SRCIN1: variants seen among roughly 807,000 people sequenced by gnomAD.
SRCIN1 encodes the protein P130Cas-associated protein.
SRCIN1 carries 50 observed loss-of-function variants against 116.2 expected under a neutral mutation model. That is an observed-to-expected ratio of 0.43 (90% CI 0.34 to 0.54). The LOEUF is 0.54. Among genes scored for constraint, SRCIN1 ranks in the 20% least tolerant of loss-of-function variants. SRCIN1 has a pLI of 0.02. For synonymous variants in SRCIN1, 736 were observed against 750.0 expected (o/e 0.98, Z 0.30); for missense variants, 1,446 against 1,672.0 (o/e 0.86, Z 2.36).
intron 1 of SRCIN1, among the ~76,000 whole-genome samples, chr17:38,581,405 C>CA (rs1313727690): frequency 0.052 from 2,876 of 55,668 alleles, 119 homozygotes; most frequent in African/African-American, 0.13. Flanking sequence ...AACTCTGTCT[C>CA]AAAAAAAAAA....
chr17:38,559,455 G>T, intron 10 of SRCIN1, 130 bp downstream of exon 10: 1 of 946,990 alleles, frequency 1.1e-6, no homozygotes, highest in Non-Finnish European at 1.5e-6. Flanking sequence ...AGGCCAGTGA[G>T]CGGCGAAGGA....
At chr17:38,596,637 C>T (rs556832381) in intron 1 of SRCIN1, among the ~76,000 whole-genome samples, 6 of 152,108 alleles carry the variant, frequency 3.9e-5, no homozygotes, top group African/African-American at 1.4e-4. Flanking sequence ...GGCTTGCCAT[C>T]ATTCCCCTGG....
chr17:38,550,595 A>G (rs1245394331), intron 15 of SRCIN1, among the ~76,000 whole-genome samples: 1 of 152,260 alleles, frequency 6.6e-6, no homozygotes, highest in African/African-American at 2.4e-5. Context: ...TGATAAACAC[A>G]AATGTCAGTG....
At chr17:38,535,147 GT>G (rs1567847232) in intron 18 of SRCIN1, among the ~76,000 whole-genome samples, 5 of 147,794 alleles carry the variant, frequency 3.4e-5, no homozygotes, top group African/African-American at 1.3e-4. Flanking sequence ...TTGTTTGTTT[GT>G]TTTGTTATTT....
At position 38,561,718 on chromosome 17, in the gene SRCIN1, G is replaced by T; in HGVS notation, c.1445C>A (p.Ala482Glu). The T allele has an allele frequency of 6.5e-7, 1 of 1,527,622 alleles. No homozygotes were observed. 94.6% of individuals were successfully genotyped at this position (1,527,622 alleles called of 1,614,324 possible). A position where few individuals can be genotyped will look rare whatever the true frequency, so the allele number is the denominator to read the frequency against. Residue 482 changes from alanine (A) to glutamate (E), a missense_variant, in exon 7 of 19, where the codon GCA becomes GAA. Physicochemically the swap from Ala to Glu is moderately radical, Grantham distance 107. Transcript: ENST00000617146. Reference protein sequence around the residue: ...PSSPQKLADVAAPPGGPPPPH... With the variant: ...PSSPQKLADVEAPPGGPPPPH... ...TGGCGGGGGACCTCCGGGGGGTGCT[G>T]CCACGTCGGCCAGCTTCTGCGGTGA...
Position 38,561,509 on chromosome 17 carries a change from G to A in SRCIN1, c.1654C>T (p.Leu552=). ...GGCACTGGCGGCCCGAACCCAACCA[G>A]CGAGCGTTCCCCAGGCCCAGGGAAG... ...ELFPGPGERS[L]VGFGPPVPAK... Residue 552 remains leucine (L), a synonymous_variant, in exon 7 of 19, where the codon CTG becomes TTG. Coordinates refer to ENST00000617146, the MANE Select transcript of SRCIN1 (RefSeq NM_025248.3). The A allele has an allele frequency of 6.3e-7, 1 of 1,596,370 alleles. No individual in the cohort carries two copies. The highest frequency in any genetic ancestry group is 1.4e-5 in the African/African-American group (1 of 73,814).
intron 2 of SRCIN1, chr17:38,574,803 A>C: frequency 1.8e-5 from 3 of 166,950 alleles, no homozygotes; most frequent in Non-Finnish European, 3.8e-5. Flanking sequence ...TCCCCCCTCC[A>C]AAAAAAAAAA....
In SRCIN1 at chr17:38,558,341, C is replaced by T. The variant is rs773008986; in HGVS notation, c.2087G>A (p.Arg696His). 6.2e-7 allele frequency: 1 copy of T among 1,609,602 alleles called. No individual in the cohort carries two copies. Among genetic ancestry groups the T allele is most frequent in the Non-Finnish European group, 8.5e-7 (1 of 1,179,552 alleles). The change falls in exon 11 of 19, where the codon CGC (arginine) becomes CAC (histidine). Residue 696 changes from arginine to histidine, a missense_variant. Transcript: ENST00000617146. The surrounding 1 kb of genome is among the most constrained non-coding windows in gnomAD (Gnocchi z 4.6). ...CTGCCGCCGCGCCGCCTCCGACACG[C>T]GCATGCTCAGCTCTGCCTCCGTGCG... The part of the protein sequence containing the change: ...LKRTEAELSM[R>H]VSEAARRQED...
Position 38,553,315 on chromosome 17 carries a change from C to T in SRCIN1, c.2202-460G>A, listed in dbSNP as rs367671777. On this transcript the variant is annotated intron_variant, in intron 11 of 18. Transcript: ENST00000617146. ...CCACATACTCAAGTAAAATCTGCAA[C>T]GCCAAATCTCAGAGATGAGGAGACT... 1.6e-4 allele frequency among the ~76,000 whole-genome samples: 25 copies of T among 152,330 alleles called. No homozygotes were observed. The South Asian group carries it at 3.1e-3, about 19-fold the overall frequency.
chr17:38,537,783 T>G (rs1177830668), intron 18 of SRCIN1, among the ~76,000 whole-genome samples: 1 of 125,666 alleles, frequency 8.0e-6, no homozygotes, highest in African/African-American at 3.2e-5. Flanking sequence ...AGAGCTAGAC[T>G]CCGTGTCAAA....
chr17:38,591,373 A>C (rs1908432598), intron 1 of SRCIN1, among the ~76,000 whole-genome samples: 1 of 152,068 alleles, frequency 6.6e-6, no homozygotes, highest in African/African-American at 2.4e-5. Context: ...TTCTGTCATA[A>C]GCCCTCAGGT....
rs1909139067 is a variant in SRCIN1 at position 38,602,939 on chromosome 17, G to A, written c.22+2745C>T. Among the ~76,000 whole-genome samples the A allele has an allele frequency of 6.6e-6, 1 of 152,112 alleles. No homozygotes were observed. Among genetic ancestry groups the A allele is most frequent in the Non-Finnish European group, 1.5e-5 (1 of 68,018 alleles). Reference sequence around the variant, plus strand: ...CCTTCTTTCCCCAAAACCTAACCTGGGGTGGGGGTGGGGGCTCAACAAACT... The same window carrying A: ...CCTTCTTTCCCCAAAACCTAACCTGAGGTGGGGGTGGGGGCTCAACAAACT... On this transcript the variant is annotated intron_variant, in intron 1 of 18. Transcript: ENST00000617146. The surrounding 1 kb of genome is among the most constrained non-coding windows in gnomAD (Gnocchi z 4.2).
At chr17:38,586,904 C>T (rs1333509770) in intron 1 of SRCIN1, among the ~76,000 whole-genome samples, 1 of 152,162 alleles carries the variant, frequency 6.6e-6, no homozygotes, top group African/African-American at 2.4e-5. Flanking sequence ...AGCGGTGAGG[C>T]TGGGGGCCTG....
At position 38,561,821 on chromosome 17, in the gene SRCIN1, C is replaced by T; in HGVS notation, c.1342G>A (p.Glu448Lys). The change falls in exon 7 of 19, where the codon GAG becomes AAG. Residue 448 changes from glutamate to lysine, a missense_variant. This residue lies in a region of SRCIN1 where 398 missense variants were observed against 385.6 expected (regional missense o/e 1.03). Coordinates refer to ENST00000617146, the MANE Select transcript of SRCIN1 (RefSeq NM_025248.3). ...YSAAALQSDLEDSLYKAAGGG... is the reference protein window; with the variant it reads ...YSAAALQSDLKDSLYKAAGGG... Reference sequence around the variant, plus strand: ...CCCGCCGCCTTGTACAGGGAGTCCTCCAGATCGGACTGCAGCGCGGCGGCC... The same window carrying T: ...CCCGCCGCCTTGTACAGGGAGTCCTTCAGATCGGACTGCAGCGCGGCGGCC... 1 of 1,482,980 alleles carries T rather than the reference C, an allele frequency of 6.7e-7. No homozygotes were observed. Among genetic ancestry groups the T allele is most frequent in the Non-Finnish European group, 8.9e-7 (1 of 1,125,716 alleles). The allele number at this position is 1,482,980 out of a possible 1,614,324, so 91.9% of individuals were successfully genotyped here. A position where few individuals can be genotyped will look rare whatever the true frequency, so the allele number is the denominator to read the frequency against.
At chr17:38,587,655 A>G (rs562359224) in intron 1 of SRCIN1, among the ~76,000 whole-genome samples, 15 of 151,976 alleles carry the variant, frequency 9.9e-5, no homozygotes, top group African/African-American at 3.4e-4. Flanking sequence ...GCCCCTCTCT[A>G]GGCCACGGGC....
Position 38,562,557 on chromosome 17 carries a change from T to C in SRCIN1, c.835-229A>G, listed in dbSNP as rs1211136026. Among the ~76,000 whole-genome samples the C allele has an allele frequency of 6.6e-6, 1 of 151,898 alleles. No individual in the cohort carries two copies. The highest frequency in any genetic ancestry group is 2.4e-5 in the African/African-American group (1 of 41,342). On this transcript the variant is annotated intron_variant, in intron 6 of 18. Transcript: ENST00000617146. The surrounding 1 kb of genome is among the most constrained non-coding windows in gnomAD (Gnocchi z 4.2). ...GGGGTAACCCTCAGCTCAGCTACCG[T>C]GAGGGGTGGGAAGTAGAAGGGGAAG...
rs771104509 is a variant in SRCIN1, at chr17:38,533,451, CAG to C, written c.3418-22_3418-21del. On this transcript the variant is annotated intron_variant, in intron 18 of 18. Transcript: ENST00000617146. ...AGTGGCCTGGAACAAAAACAGGGGTCAGGGGTCAGAGAGCGGAAGGGAGCGCC... is the reference window on the plus strand; with the variant it reads ...AGTGGCCTGGAACAAAAACAGGGGTCGGGTCAGAGAGCGGAAGGGAGCGCC... The C allele has an allele frequency of 1.9e-6, 3 of 1,610,898 alleles. No individual in the cohort carries two copies. Among genetic ancestry groups the C allele is most frequent in the Non-Finnish European group, 2.5e-6 (3 of 1,178,698 alleles).
At position 38,551,322 on chromosome 17, in the gene SRCIN1, C is replaced by T. The variant is rs750019946; in HGVS notation, c.2795G>A (p.Arg932Gln). ...LTQYSAKDIN[R>Q]LLEETQAELL... ...CTCTGCCTGTGTCTCTTCCAGCAGC[C>T]GGTTGATGTCCTTGGCACTGTACTG... The change falls in exon 15 of 19, where the codon CGG becomes CAG. Residue 932 changes from arginine to glutamine, a missense_variant. Arg to Gln is a conservative substitution (Grantham distance 43). Coordinates refer to ENST00000617146, the MANE Select transcript of SRCIN1 (RefSeq NM_025248.3). The T allele has an allele frequency of 3.2e-5, 52 of 1,613,722 alleles. No homozygotes were observed. Among genetic ancestry groups the T allele is most frequent in the East Asian group, 4.5e-5 (2 of 44,894 alleles).
Position 38,548,722 on chromosome 17 carries a change from G to C in SRCIN1, c.3118-13C>G. 6.3e-7 allele frequency: 1 copy of C among 1,578,100 alleles called. No individual in the cohort carries two copies. The highest frequency in any genetic ancestry group is 8.6e-7 in the Non-Finnish European group (1 of 1,165,050). ...CGGACTCAGCCTTCTGCAAGGCCCG[G>C]GACTCCTGTCAAGGCCAGGCTCTGC... On this transcript the variant is annotated splice_polypyrimidine_tract_variant and intron_variant, in intron 16 of 18. Coordinates refer to ENST00000617146, the MANE Select transcript of SRCIN1 (RefSeq NM_025248.3).
Sources: gnomAD v4.1 joint callset for allele counts (sites outside exome capture counted in the v4.1 genomes callset) on GRCh38, gnomAD v4.1.1 for gene constraint, gnomAD v4.1.1 regional missense constraint, Gnocchi (gnomAD v3.1) non-coding constraint, MANE v1.5 for transcripts, NCBI Gene and HGNC (gene_info 2026-07-23, HGNC 2026-07-21) for gene names.